Variants in NKAIN3 observed in about 807,000 individuals in gnomAD.
NKAIN3 encodes sodium/potassium-transporting ATPase subunit beta-1-interacting protein 3.
Under a neutral mutation model 30.2 loss-of-function variants are expected in NKAIN3, and 25 were observed. The ratio of observed to expected loss-of-function variants is 0.83; its 90% CI spans 0.60 to 1.16. The LOEUF (loss-of-function observed/expected upper bound fraction) is 1.16. Ranked by LOEUF, NKAIN3 falls within the 50% of genes most tolerant of loss-of-function variation. The pLI, the probability that NKAIN3 is intolerant of heterozygous loss-of-function variation, is 0.00. For missense variants in NKAIN3, 225 were observed against 254.1 expected, an observed-to-expected ratio of 0.89 and a Z score of 0.78; for synonymous variants, 91 against 89.6, an observed-to-expected ratio of 1.02 and a Z score of -0.09.
chr8:62,910,748 G>A (rs950905093), intron 4 of NKAIN3, among the ~76,000 whole-genome samples: 4 of 100,836 alleles, frequency 4.0e-5, no homozygotes, highest in Non-Finnish European at 8.4e-5. Flanking sequence ...CTTCCATCGG[G>A]ACAGGATTTT....
chr8:62,333,579 T>A (rs145645692), intron 1 of NKAIN3, among the ~76,000 whole-genome samples: 1 of 152,022 alleles, frequency 6.6e-6, no homozygotes. Flanking sequence ...AATAATCACT[T>A]TAGAGGGAGA....
intron 3 of NKAIN3, among the ~76,000 whole-genome samples, chr8:62,739,047 T>G (rs1470831961): frequency 6.6e-6 from 1 of 152,118 alleles, no homozygotes; most frequent in Non-Finnish European, 1.5e-5. Context: ...TTCTCACTCA[T>G]AAGTGCAATT....
intron 4 of NKAIN3, among the ~76,000 whole-genome samples, chr8:62,808,432 A>G (rs867338319): frequency 1.3e-5 from 2 of 152,098 alleles, no homozygotes; most frequent in Non-Finnish European, 2.9e-5. Flanking sequence ...GATGTTATCA[A>G]TTGCATTAGG....
rs190576567 is a variant in NKAIN3 at position 62,459,011 on chromosome 8, G to T, written c.55-120528G>T. On this transcript the variant is annotated intron_variant, in intron 1 of 6. Coordinates refer to ENST00000623646, the MANE Select transcript of NKAIN3 (RefSeq NM_001304533.3). ...GATAGGATGAAAGATTAGATTTTATGCCCTTGTGACAGGAGAAAAAGGTAG... is the reference window on the plus strand; with the variant it reads ...GATAGGATGAAAGATTAGATTTTATTCCCTTGTGACAGGAGAAAAAGGTAG... 2.0e-5 allele frequency among the ~76,000 whole-genome samples: 3 copies of T among 150,904 alleles called. No homozygotes were observed. In the East Asian group the frequency reaches 5.9e-4, roughly 30 times the overall value.
At chr8:62,786,074 C>G (rs147407410) in intron 4 of NKAIN3, among the ~76,000 whole-genome samples, 1 of 152,002 alleles carries the variant, frequency 6.6e-6, no homozygotes, top group African/African-American at 2.4e-5. Context: ...CCACACCCCC[C>G]TCCCTGCAAC....
At chr8:62,299,693 C>A (rs1813975460) in intron 1 of NKAIN3, among the ~76,000 whole-genome samples, 1 of 151,952 alleles carries the variant, frequency 6.6e-6, no homozygotes, top group Admixed American at 6.6e-5. Context: ...TGTATTACCC[C>A]AAATTTTTCT....
At chr8:62,488,386 G>A (rs977801486) in intron 1 of NKAIN3, among the ~76,000 whole-genome samples, 1 of 152,110 alleles carries the variant, frequency 6.6e-6, no homozygotes, top group African/African-American at 2.4e-5. Flanking sequence ...TAGCACCACT[G>A]TGCCTCTTTA....
intron 1 of NKAIN3, among the ~76,000 whole-genome samples, chr8:62,321,089 T>C (rs965665202): frequency 1.3e-5 from 2 of 152,202 alleles, no homozygotes; most frequent in Non-Finnish European, 2.9e-5. Context: ...TATTTGATCT[T>C]CCATCACTGA....
At chr8:62,337,491 G>T (rs1420253622) in intron 1 of NKAIN3, among the ~76,000 whole-genome samples, 1 of 151,918 alleles carries the variant, frequency 6.6e-6, no homozygotes, top group Non-Finnish European at 1.5e-5. Context: ...CCTATAAGGA[G>T]TGTCATGAAT....
At chr8:62,252,895 T>C (rs780835036) in intron 1 of NKAIN3, among the ~76,000 whole-genome samples, 12 of 152,204 alleles carry the variant, frequency 7.9e-5, no homozygotes, top group Non-Finnish European at 8.8e-5. Flanking sequence ...AAATAAACCT[T>C]AATTGCATGG....
intron 5 of NKAIN3, among the ~76,000 whole-genome samples, chr8:62,920,230 A>C: frequency 6.6e-6 from 1 of 152,350 alleles, no homozygotes; most frequent in Admixed American, 6.5e-5. Flanking sequence ...TGAATCTCTT[A>C]CAAAGTAGAT....
intron 4 of NKAIN3, among the ~76,000 whole-genome samples, chr8:62,884,699 C>T (rs1821092568): frequency 1.3e-5 from 2 of 151,906 alleles, no homozygotes; most frequent in Non-Finnish European, 2.9e-5. Context: ...TTATCTATTT[C>T]TTCTTGTGTG....
chr8:62,510,659 G>A (rs574479333), intron 1 of NKAIN3, among the ~76,000 whole-genome samples: 1 of 152,238 alleles, frequency 6.6e-6, no homozygotes, highest in East Asian at 1.9e-4. Context: ...AAGTGAATAA[G>A]AATACAAAGA....
At chr8:62,595,382 C>CTTTTTTTTTT (rs1181598520) in intron 3 of NKAIN3, among the ~76,000 whole-genome samples, 15 of 109,914 alleles carry the variant, frequency 1.4e-4, no homozygotes, top group East Asian at 5.4e-4. Flanking sequence ...GGGCTATTTT[C>CTTTTTTTTTT]TTTTTTTTTT....
At chr8:62,750,811 T>C (rs192131350) in intron 4 of NKAIN3, among the ~76,000 whole-genome samples, 1 of 151,568 alleles carries the variant, frequency 6.6e-6, no homozygotes, top group Non-Finnish European at 1.5e-5. Context: ...CATGCTGGAG[T>C]GGAGAAGTCA....
At chr8:62,455,811 C>T (rs1297219154) in intron 1 of NKAIN3, among the ~76,000 whole-genome samples, 13 of 152,148 alleles carry the variant, frequency 8.5e-5, no homozygotes, top group Admixed American at 8.5e-4. Context: ...AATTAACTGG[C>T]AGATTTCATT....
At chr8:62,922,616 TG>T (rs1822315221) in intron 5 of NKAIN3, among the ~76,000 whole-genome samples, 1 of 152,182 alleles carries the variant, frequency 6.6e-6, no homozygotes, top group Admixed American at 6.5e-5. Flanking sequence ...AGGACAGTGC[TG>T]TGAGTCAAAC....
intron 5 of NKAIN3, among the ~76,000 whole-genome samples, chr8:62,947,274 C>A (rs1166031147): frequency 6.6e-6 from 1 of 152,148 alleles, no homozygotes; most frequent in Non-Finnish European, 1.5e-5. Context: ...ACTGAGGCAG[C>A]AAACACTTGC....
At chr8:62,869,894 G>A (rs182044170) in intron 4 of NKAIN3, among the ~76,000 whole-genome samples, 9 of 151,958 alleles carry the variant, frequency 5.9e-5, no homozygotes, top group African/African-American at 1.7e-4. Context: ...CAGCCCCCCC[G>A]AAGTGGCTGG....
Sources: allele counts gnomAD v4.1 joint callset (sites outside exome capture counted in the v4.1 genomes callset), GRCh38; gene constraint gnomAD v4.1.1; transcripts MANE v1.5; gene names NCBI Gene and HGNC (gene_info 2026-07-23, HGNC 2026-07-21).